NBEA: variants seen among roughly 807,000 people sequenced by gnomAD.
NBEA encodes the protein lysosomal-trafficking regulator 2.
Under a neutral mutation model 343.4 loss-of-function variants are expected in NBEA, and 44 were observed. The ratio of observed to expected loss-of-function variants is 0.13; its 90% CI spans 0.10 to 0.16. The LOEUF (loss-of-function observed/expected upper bound fraction) is 0.16. Ranked by LOEUF, NBEA falls within the 10% of genes least tolerant of loss-of-function variation. NBEA has a pLI of 1.00. For synonymous variants in NBEA, 1,175 were observed against 1,238.7 expected, an observed-to-expected ratio of 0.95 and a Z score of 1.08; for missense variants, 2,555 against 3,631.3, an observed-to-expected ratio of 0.70 and a Z score of 7.62.
chr13:35,034,627 A>G (rs572358846), intron 1 of NBEA, among the ~76,000 whole-genome samples: 2 of 151,858 alleles, frequency 1.3e-5, no homozygotes, highest in Admixed American at 6.6e-5. Flanking sequence ...GATTAATATT[A>G]GTTCTTTAAA....
At chr13:35,156,257 C>A in intron 20 of NBEA, 51 bp downstream of exon 20, 1 of 1,448,246 alleles carries the variant, frequency 6.9e-7, no homozygotes, top group Admixed American at 3.1e-5. Flanking sequence ...TTAATATTTT[C>A]TCTCTTTTAG....
intron 34 of NBEA, among the ~76,000 whole-genome samples, chr13:35,262,944 A>T (rs1054263915): frequency 1.9e-4 from 29 of 152,186 alleles, no homozygotes; most frequent in Non-Finnish European, 4.3e-4. Flanking sequence ...AGTCCCAATA[A>T]TGTGTTCTGC....
chr13:35,275,758 T>C (rs1037996842), intron 34 of NBEA, among the ~76,000 whole-genome samples: 4 of 152,120 alleles, frequency 2.6e-5, no homozygotes, highest in African/African-American at 9.7e-5. Context: ...GAAAAAATGC[T>C]CATCATCACT....
chr13:35,646,923 C>G (rs1324974), intron 51 of NBEA, among the ~76,000 whole-genome samples: 3 of 151,920 alleles, frequency 2.0e-5, no homozygotes, highest in Non-Finnish European at 4.4e-5. Context: ...TCAGCATCTT[C>G]AAAATAGAGG....
chr13:35,429,855 C>CTCACTGAT (rs1195419760), intron 38 of NBEA, among the ~76,000 whole-genome samples: 17 of 143,368 alleles, frequency 1.2e-4, no homozygotes, highest in African/African-American at 4.4e-4. Flanking sequence ...TCTTTATCCA[C>CTCACTGAT]TCACTGATTG....
At chr13:35,064,228 A>C (rs550383830) in intron 8 of NBEA, among the ~76,000 whole-genome samples, 96 of 152,120 alleles carry the variant, frequency 6.3e-4, no homozygotes, top group African/African-American at 2.3e-3. Context: ...GAAAAAGATA[A>C]CTGAGAAATG....
intron 38 of NBEA, among the ~76,000 whole-genome samples, chr13:35,403,180 A>C: frequency 6.6e-6 from 1 of 151,688 alleles, no homozygotes; most frequent in East Asian, 1.9e-4. Flanking sequence ...ATAATAAATA[A>C]AAAATTAATT....
At chr13:35,039,765 T>G (rs960120162) in intron 1 of NBEA, among the ~76,000 whole-genome samples, 1 of 152,182 alleles carries the variant, frequency 6.6e-6, no homozygotes, top group African/African-American at 2.4e-5. Flanking sequence ...GACAGGAAAT[T>G]AATTTTACTT....
chr13:35,587,217 C>G (rs1370919909), intron 46 of NBEA, among the ~76,000 whole-genome samples: 1 of 152,098 alleles, frequency 6.6e-6, no homozygotes, highest in Admixed American at 6.6e-5. Context: ...ATTCTGTTTG[C>G]TGCCTAGGGT....
intron 38 of NBEA, among the ~76,000 whole-genome samples, chr13:35,409,127 A>AAT (rs2043437509): frequency 6.6e-6 from 1 of 152,206 alleles, no homozygotes; most frequent in African/African-American, 2.4e-5. Context: ...GGATAAAGAA[A>AAT]ATGTGGTACA....
chr13:35,321,173 C>T (rs538471114), intron 36 of NBEA, among the ~76,000 whole-genome samples: 1 of 152,212 alleles, frequency 6.6e-6, no homozygotes, highest in South Asian at 2.1e-4. Context: ...AAGAGGCATT[C>T]TGGTTTTTGG....
At chr13:35,141,105 G>A (rs2068064494) in intron 17 of NBEA, among the ~76,000 whole-genome samples, 1 of 152,178 alleles carries the variant, frequency 6.6e-6, no homozygotes, top group Admixed American at 6.5e-5. Flanking sequence ...AGAGAGGCTG[G>A]AAATGTAATA....
chr13:35,432,995 A>C (rs2045220601), intron 39 of NBEA, among the ~76,000 whole-genome samples: 1 of 152,068 alleles, frequency 6.6e-6, no homozygotes, highest in Admixed American at 6.6e-5. Flanking sequence ...TCTTGTTATA[A>C]GCTGCCAATT....
Position 35,201,616 on chromosome 13 carries a change from A to C in NBEA, c.5366+5314A>C, listed in dbSNP as rs1036990563. On this transcript the variant is annotated intron_variant, in intron 31 of 58. Transcript: ENST00000379939. ...AGTTGGTCTCTCTTCAATTTGTTCC[A>C]GGACCTTGATCCATTCTTTTTGGCT... Among the ~76,000 whole-genome samples, 3 of 152,086 alleles carry C rather than the reference A, an allele frequency of 2.0e-5. No individual in the cohort carries two copies. The South Asian group carries it at 6.2e-4, about 32-fold the overall frequency.
intron 22 of NBEA, 24 bp downstream of exon 22, chr13:35,160,056 A>T: frequency 6.7e-7 from 1 of 1,499,924 alleles, no homozygotes; most frequent in Non-Finnish European, 8.9e-7. Flanking sequence ...TATGAGTTCT[A>T]GAAATAAATA....
chr13:35,417,035 C>T (rs1594555711), intron 38 of NBEA, among the ~76,000 whole-genome samples: 1 of 151,960 alleles, frequency 6.6e-6, no homozygotes, highest in South Asian at 2.1e-4. Flanking sequence ...GAGGTGTTTA[C>T]AGTATTCTCT....
rs140759895 is a variant in NBEA, at chr13:35,538,210, G to A, written c.6586-12267G>A. Among the ~76,000 whole-genome samples, 604 of 152,154 alleles carry A rather than the reference G, an allele frequency of 4.0e-3. 1 individual carries two copies. The highest frequency in any genetic ancestry group is 6.6e-3 in the Non-Finnish European group (452 of 68,006). On this transcript the variant is annotated intron_variant, in intron 41 of 58. Coordinates refer to ENST00000379939, the MANE Select transcript of NBEA (RefSeq NM_001385012.1). ...TATATAATGAGACATCCTGGGGATG[G>A]GATCCAGGTCTGAAAATGAAATTTG...
At chr13:35,394,530 A>G (rs2042651868) in intron 38 of NBEA, among the ~76,000 whole-genome samples, 1 of 152,176 alleles carries the variant, frequency 6.6e-6, no homozygotes, top group Non-Finnish European at 1.5e-5. Context: ...CCACAAATAC[A>G]AAGAATTAAT....
intron 38 of NBEA, among the ~76,000 whole-genome samples, chr13:35,384,763 T>G (rs1275272908): frequency 6.6e-6 from 1 of 152,120 alleles, no homozygotes; most frequent in Non-Finnish European, 1.5e-5. Flanking sequence ...TGACCTCTGG[T>G]GATCCACCCA....
Sources: gnomAD v4.1 joint callset for allele counts (sites outside exome capture counted in the v4.1 genomes callset) on GRCh38, gnomAD v4.1.1 for gene constraint, MANE v1.5 for transcripts, NCBI Gene and HGNC (gene_info 2026-07-23, HGNC 2026-07-21) for gene names.